Variants in GALNT18 observed in about 807,000 individuals in gnomAD.
The protein encoded by GALNT18 is GalNAc-transferase 18.
A neutral mutation model predicts 69.5 loss-of-function variants in GALNT18; 44 were observed. The observed-to-expected ratio is 0.63, with a 90% CI of 0.50 to 0.81. The LOEUF is 0.81. Ranked by LOEUF, GALNT18 falls within the 40% of genes least tolerant of loss-of-function variation. The pLI, the probability that GALNT18 is intolerant of heterozygous loss-of-function variation, is 0.00. For missense variants in GALNT18, 715 were observed against 810.0 expected, an observed-to-expected ratio of 0.88 and a Z score of 1.42; for synonymous variants, 364 against 318.2, an observed-to-expected ratio of 1.14 and a Z score of -1.53.
rs771190310 is a variant in GALNT18 at position 11,377,835 on chromosome 11, C to A, written c.780-456G>T. Among the ~76,000 whole-genome samples the A allele has an allele frequency of 6.6e-6, 1 of 152,136 alleles. No individual in the cohort carries two copies. The highest frequency in any genetic ancestry group is 2.4e-5 in the African/African-American group (1 of 41,426). ...GCAGAGACTAGGAGCTGAGAACAAA[C>A]CTACATCCACCAGCCATGCGATGTT... On this transcript the variant is annotated intron_variant, in intron 4 of 10. Coordinates refer to ENST00000227756, the MANE Select transcript of GALNT18 (RefSeq NM_198516.3). This position sits in a 1 kb window ranked among gnomAD's most constrained non-coding sequence, Gnocchi z 4.6.
At chr11:11,336,059 A>AT (rs1460973868) in intron 7 of GALNT18, among the ~76,000 whole-genome samples, 12 of 152,184 alleles carry the variant, frequency 7.9e-5, no homozygotes, top group African/African-American at 2.9e-4. Context: ...TAGTCACAAA[A>AT]TTCCTTGTAG....
chr11:11,442,029 C>G (rs1047462629), intron 2 of GALNT18, among the ~76,000 whole-genome samples: 3 of 152,168 alleles, frequency 2.0e-5, no homozygotes, highest in African/African-American at 7.2e-5. Flanking sequence ...ACAAATTTAT[C>G]ATCTCATCAT....
intron 1 of GALNT18, among the ~76,000 whole-genome samples, chr11:11,478,777 G>C (rs1241618344): frequency 6.6e-6 from 1 of 151,534 alleles, no homozygotes; most frequent in Non-Finnish European, 1.5e-5. Flanking sequence ...AGCAGAGCAG[G>C]CTGACTCCTG....
In GALNT18 at chr11:11,470,058, C is replaced by T. The variant is rs1590031308; in HGVS notation, c.236-21122G>A. On this transcript the variant is annotated intron_variant, in intron 1 of 10. Transcript: ENST00000227756. This position sits in a 1 kb window ranked among gnomAD's most constrained non-coding sequence, Gnocchi z 4.8. Reference sequence around the variant, plus strand: ...AGAGAAAGACTGTCCCTCCAATCTGCTTCTGCCTCTCAGGTTACTTTTGCC... The same window carrying T: ...AGAGAAAGACTGTCCCTCCAATCTGTTTCTGCCTCTCAGGTTACTTTTGCC... Among the ~76,000 whole-genome samples the T allele has an allele frequency of 6.6e-6, 1 of 152,216 alleles. No individual in the cohort carries two copies. The highest frequency in any genetic ancestry group is 1.5e-5 in the Non-Finnish European group (1 of 68,042).
rs58070892 is a variant in GALNT18, at chr11:11,453,286, C to T, written c.236-4350G>A. ...TGATCAGAACCCTCCAAGGGCCTTC[C>T]GCCACCTTCTTGTTAAACACCTGCA... On this transcript the variant is annotated intron_variant, in intron 1 of 10. Coordinates refer to ENST00000227756, the MANE Select transcript of GALNT18 (RefSeq NM_198516.3). Among the ~76,000 whole-genome samples, 386 of 152,234 alleles carry T rather than the reference C, an allele frequency of 2.5e-3. 1 individual carries two copies. Among genetic ancestry groups the T allele is most frequent in the African/African-American group, 8.2e-3 (341 of 41,540 alleles).
chr11:11,428,798 T>C lies in GALNT18; in HGVS notation c.595+3823A>G, dbSNP rs181565536. 4.6e-5 allele frequency among the ~76,000 whole-genome samples: 7 copies of C among 152,250 alleles called. No homozygotes were observed. In the East Asian group the frequency reaches 1.4e-3, roughly 29 times the overall value. ...TAGAACACAATAAAATACAATAGAA[T>C]TGAATTGAACAGAATATAATAGAAA... On this transcript the variant is annotated intron_variant, in intron 3 of 10. Coordinates refer to ENST00000227756, the MANE Select transcript of GALNT18 (RefSeq NM_198516.3).
At chr11:11,517,096 C>T (rs1590066619) in intron 1 of GALNT18, among the ~76,000 whole-genome samples, 1 of 152,198 alleles carries the variant, frequency 6.6e-6, no homozygotes, top group Admixed American at 6.5e-5. Flanking sequence ...GTCTATGAAC[C>T]AGGAAGAGGA....
At chr11:11,390,311 C>T (rs1419429264) in intron 3 of GALNT18, among the ~76,000 whole-genome samples, 6 of 152,192 alleles carry the variant, frequency 3.9e-5, no homozygotes, top group African/African-American at 1.2e-4. Flanking sequence ...GAACATTCTT[C>T]TCGCCTCCCC....
intron 1 of GALNT18, among the ~76,000 whole-genome samples, chr11:11,545,030 T>C (rs1039804501): frequency 1.3e-5 from 2 of 152,186 alleles, no homozygotes; most frequent in Non-Finnish European, 2.9e-5. Context: ...ATTTACAGAG[T>C]ATCAGATCAT....
chr11:11,303,524 C>T (rs1043143764), intron 9 of GALNT18, among the ~76,000 whole-genome samples: 2 of 152,042 alleles, frequency 1.3e-5, no homozygotes, highest in Admixed American at 1.3e-4. Context: ...TACCTGTGGC[C>T]ATTATGTCCA....
intron 3 of GALNT18, among the ~76,000 whole-genome samples, chr11:11,381,324 T>G (rs2133695379): frequency 6.6e-6 from 1 of 152,308 alleles, no homozygotes; most frequent in African/African-American, 2.4e-5. Flanking sequence ...TGCACAGAAC[T>G]TGAAGTGAGA....
chr11:11,274,249 G>A (rs918740714), intron 10 of GALNT18, among the ~76,000 whole-genome samples: 16 of 152,184 alleles, frequency 1.1e-4, no homozygotes, highest in African/African-American at 2.4e-4. Flanking sequence ...AAAACAGGGT[G>A]GCTGTTTGGG....
intron 6 of GALNT18, among the ~76,000 whole-genome samples, chr11:11,369,338 T>A (rs1470641136): frequency 6.6e-6 from 1 of 152,218 alleles, no homozygotes; most frequent in Admixed American, 6.5e-5. Flanking sequence ...CTTCTTTGCC[T>A]GTTCCAGCTT....
At chr11:11,607,875 C>T (rs1166790742) in intron 1 of GALNT18, among the ~76,000 whole-genome samples, 1 of 152,244 alleles carries the variant, frequency 6.6e-6, no homozygotes, top group Non-Finnish European at 1.5e-5. Context: ...TTTCAACCAA[C>T]ATAGCACATT....
rs111290252 is a variant in GALNT18 at position 11,600,556 on chromosome 11, T to A, written c.235+20803A>T. On this transcript the variant is annotated intron_variant, in intron 1 of 10. Transcript: ENST00000227756. The surrounding 1 kb of genome is among the most constrained non-coding windows in gnomAD (Gnocchi z 4.8). ...TTGTAGGTGATAAGTGGTCTTTCTG[T>A]TACTGCTTCCAAGATTTTCTCTCTC... Among the ~76,000 whole-genome samples, 3,473 of 152,202 alleles carry A rather than the reference T, an allele frequency of 0.023. 133 individuals are homozygous for A. Among genetic ancestry groups the A allele is most frequent in the African/African-American group, 0.079 (3,274 of 41,558 alleles).
chr11:11,437,882 G>A (rs1440827617), intron 2 of GALNT18, among the ~76,000 whole-genome samples: 6 of 152,192 alleles, frequency 3.9e-5, no homozygotes, highest in African/African-American at 1.2e-4. Flanking sequence ...TTCTGGGAGT[G>A]GAGGTGGGGC....
In GALNT18 at chr11:11,383,134, A is replaced by G. The variant is rs1207597002; in HGVS notation, c.596-3870T>C. On this transcript the variant is annotated intron_variant, in intron 3 of 10. Transcript: ENST00000227756. The surrounding 1 kb of genome is among the most constrained non-coding windows in gnomAD (Gnocchi z 5.2). ...ACACCACTCACTCCTGGGAGGTCAC[A>G]GGCCACTCTCCACATCCCCACGGGG... 2.0e-5 allele frequency among the ~76,000 whole-genome samples: 3 copies of G among 152,170 alleles called. No homozygotes were observed. The highest frequency in any genetic ancestry group is 1.3e-4 in the Admixed American group (2 of 15,276).
intron 3 of GALNT18, among the ~76,000 whole-genome samples, chr11:11,385,313 T>TTG (rs1341301098): frequency 6.7e-6 from 1 of 150,150 alleles, no homozygotes; most frequent in Non-Finnish European, 1.5e-5. Flanking sequence ...TTTTTTTTTT[T>TTG]GAGACAGAGT....
At chr11:11,510,474 CA>C (rs915289651) in intron 1 of GALNT18, among the ~76,000 whole-genome samples, 3 of 117,748 alleles carry the variant, frequency 2.5e-5, no homozygotes, top group African/African-American at 5.1e-5. Context: ...AGCTCATTTC[CA>C]GGCCTTGTAC....
Sources: allele counts gnomAD v4.1 joint callset (sites outside exome capture counted in the v4.1 genomes callset), GRCh38; gene constraint gnomAD v4.1.1; non-coding constraint Gnocchi (gnomAD v3.1); transcripts MANE v1.5; gene names NCBI Gene and HGNC (gene_info 2026-07-23, HGNC 2026-07-21).